FUS: variants seen among roughly 807,000 people sequenced by gnomAD.
FUS encodes RNA-binding protein FUS.
FUS carries 5 observed loss-of-function variants against 82.7 expected under a neutral mutation model. That is an observed-to-expected ratio of 0.06 (90% confidence interval 0.03 to 0.13). The LOEUF is 0.13. Ranked by LOEUF, FUS falls within the 10% of genes least tolerant of loss-of-function variation. FUS has a pLI of 1.00. For missense variants in FUS, 512 were observed against 707.8 expected (o/e 0.72, Z 3.14); for synonymous variants, 281 against 247.4 (o/e 1.14, Z -1.27).
chr16:31,188,062 G>C, intron 7 of FUS: 1 of 554,522 alleles, frequency 1.8e-6, no homozygotes, highest in South Asian at 2.1e-5. Flanking sequence ...AGCCTGAGCT[G>C]GGGGAGGCAG....
At chr16:31,182,357 G>GC (rs1406788004) in intron 1 of FUS, 41 bp from the exon 2 acceptor site, 5 of 1,611,318 alleles carry the variant, frequency 3.1e-6, no homozygotes, top group Non-Finnish European at 4.2e-6. Context: ...CTCTTTCAGA[G>GC]TGGCAGCTGA....
chr16:31,180,916 T>TAA (rs1362547569), intron 1 of FUS, among the ~76,000 whole-genome samples: 1 of 137,428 alleles, frequency 7.3e-6, no homozygotes, highest in Non-Finnish European at 1.6e-5. Context: ...CTAAATTTCT[T>TAA]TCTTTTTTTT....
In FUS at chr16:31,186,804, G is replaced by C; in HGVS notation, c.767G>C (p.Gly256Ala). The C allele has an allele frequency of 6.2e-7, 1 of 1,614,206 alleles. No homozygotes were observed. Among genetic ancestry groups the C allele is most frequent in the South Asian group, 1.1e-5 (1 of 91,088 alleles). Residue 256 changes from glycine (G) to alanine (A), a missense_variant and splice_region_variant, in exon 7 of 15, where the codon GGA (glycine) becomes GCA (alanine). Coordinates refer to ENST00000254108, the MANE Select transcript of FUS (RefSeq NM_004960.4). ...GGRGGRGGMG[G>A]SDRGGFNKFG... ...TTCTTCTAACTTGTCTTCTCCAGCG[G>C]AAGTGACCGTGGTGGCTTCAATAAA...
chr16:31,183,399 T>C (rs2079211275), intron 3 of FUS: 1 of 174,318 alleles, frequency 5.7e-6, no homozygotes, highest in Non-Finnish European at 1.3e-5. Flanking sequence ...GAGAGCATAT[T>C]TTCTAAAGGA....
intron 8 of FUS, chr16:31,188,904 T>G: frequency 1.7e-6 from 1 of 589,998 alleles, no homozygotes. Flanking sequence ...TACTGTATAC[T>G]GGGTGTTAAC....
intron 6 of FUS, 121 bp from the exon 7 acceptor site, chr16:31,186,681 C>A: frequency 1.2e-6 from 1 of 860,402 alleles, no homozygotes; most frequent in Non-Finnish European, 2.0e-6. Flanking sequence ...ATTTTAGTAG[C>A]CACTTGTATC....
chr16:31,191,787 T>A (rs1379935498), downstream of FUS: 1 of 588,682 alleles, frequency 1.7e-6, no homozygotes, highest in Non-Finnish European at 3.2e-6. Flanking sequence ...AAAGTTGGTG[T>A]ATAAATGAGA....
intron 8 of FUS, 37 bp from the exon 9 acceptor site, chr16:31,189,086 C>T (rs748857876): frequency 6.7e-7 from 1 of 1,495,924 alleles, no homozygotes; most frequent in South Asian, 1.1e-5. Context: ...TTTTATTTTA[C>T]CTTTTCACAT....
chr16:31,184,108 G>A, intron 4 of FUS, 101 bp from the exon 5 acceptor site: 2 of 1,612,590 alleles, frequency 1.2e-6, no homozygotes, highest in Admixed American at 1.7e-5. Flanking sequence ...ATTGGGGTAG[G>A]GGAGCCTGTG....
intron 10 of FUS, 122 bp downstream of exon 10, chr16:31,189,916 G>C: frequency 6.3e-7 from 1 of 1,584,408 alleles, no homozygotes; most frequent in Non-Finnish European, 8.6e-7. Context: ...GCGGTTTCAG[G>C]TAGTCTCATT....
chr16:31,188,103 G>A, intron 7 of FUS: 1 of 596,838 alleles, frequency 1.7e-6, no homozygotes, highest in Non-Finnish European at 3.0e-6. Flanking sequence ...TGTCTCTGTG[G>A]AGACTCAAGT....
chr16:31,182,031 C>T (rs914721311), intron 1 of FUS, among the ~76,000 whole-genome samples: 4 of 151,112 alleles, frequency 2.6e-5, no homozygotes, highest in Admixed American at 6.6e-5. Flanking sequence ...GAGATGGAGT[C>T]TTGCTCTGTT....
At chr16:31,180,634 C>T (rs553644999) in intron 1 of FUS, among the ~76,000 whole-genome samples, 99 of 152,358 alleles carry the variant, frequency 6.5e-4, no homozygotes, top group Non-Finnish European at 1.2e-3. Context: ...GGCCCCTCCC[C>T]CTTCGCGGCG....
chr16:31,189,822 G>C (rs779456444), intron 10 of FUS, 28 bp downstream of exon 10: 1 of 1,613,740 alleles, frequency 6.2e-7, no homozygotes, highest in South Asian at 1.1e-5. Flanking sequence ...GGCAGAGGTG[G>C]GGCTGGGGAT....
Position 31,184,014 on chromosome 16 carries a change from TTGA to T in FUS, c.335+15_335+17del. ...AGCACCTCGGGAAGGTACGGTGGTG[TTGA>T]TGTCGGGGAAGGCTTGAAAAGAGGG... On this transcript the variant is annotated intron_variant, in intron 4 of 14. Transcript: ENST00000254108. The T allele has an allele frequency of 6.2e-7, 1 of 1,613,710 alleles. No homozygotes were observed. Among genetic ancestry groups the T allele is most frequent in the South Asian group, 1.1e-5 (1 of 91,056 alleles).
chr16:31,181,788 C>T (rs2079183391), intron 1 of FUS, among the ~76,000 whole-genome samples: 1 of 152,176 alleles, frequency 6.6e-6, no homozygotes, highest in South Asian at 2.1e-4. Context: ...TGTTTTAGAG[C>T]AATCACTGAC....
intron 6 of FUS, chr16:31,186,068 C>T: frequency 4.3e-6 from 1 of 235,188 alleles, no homozygotes; most frequent in East Asian, 6.1e-5. Flanking sequence ...CAAAAACGTG[C>T]AAAAATGAGG....
At chr16:31,182,178 A>G (rs1290563882) in intron 1 of FUS, 2 of 579,016 alleles carry the variant, frequency 3.5e-6, no homozygotes. Context: ...TTTATTAGAG[A>G]TGGGGCTTCA....
chr16:31,194,419 G>A (rs1287176039), downstream of FUS: 1 of 509,696 alleles, frequency 2.0e-6, no homozygotes, highest in South Asian at 1.5e-5. Flanking sequence ...CTCTGGAGTA[G>A]CTGGGACGGG....
Sources: gnomAD v4.1 joint callset for allele counts (sites outside exome capture counted in the v4.1 genomes callset) on GRCh38, gnomAD v4.1.1 for gene constraint, MANE v1.5 for transcripts, NCBI Gene and HGNC (gene_info 2026-07-23, HGNC 2026-07-21) for gene names.